The following SLC11A2 variants were observed in gnomAD, a reference collection of about 807,000 sequenced individuals.
SLC11A2 encodes the protein solute carrier family 11 member 2, also known as natural resistance-associated macrophage protein 2.
In SLC11A2, 38 loss-of-function variants were observed where a neutral mutation model predicts 68.0. The observed-to-expected ratio is 0.56, with a 90% CI of 0.43 to 0.73. SLC11A2 has a LOEUF of 0.73. Ranked by LOEUF, SLC11A2 falls within the 30% of genes least tolerant of loss-of-function variation. The probability of loss-of-function intolerance (pLI) is 0.00; values close to 1 mark genes in which losing one functional copy is unlikely to be tolerated. For synonymous variants in SLC11A2, 242 were observed against 250.6 expected (o/e 0.97, Z 0.32); for missense variants, 517 against 690.5 (o/e 0.75, Z 2.82).
chr12:50,963,369 C>CAAAAAAAAAAAAAAAAAAAAAA, the SLC11A2 span, among the ~76,000 whole-genome samples: 1 of 72,398 alleles, frequency 1.4e-5, no homozygotes, highest in Non-Finnish European at 2.7e-5. Flanking sequence ...GACTCCATCT[C>CAAAAAAAAAAAAAAAAAAAAAA]AAAAAAAAAA....
rs778759797 is a variant in SLC11A2 at position 50,996,947 on chromosome 12, C to T, written c.701G>A (p.Ser234Asn). ...TACGAACATGCCCTTGAGTACCTGGCTCTGGCTGGGTTTCACTGTAACATA... is the reference window on the plus strand; with the variant it reads ...TACGAACATGCCCTTGAGTACCTGGTTCTGGCTGGGTTTCACTGTAACATA... ...YEYVTVKPSQ[S>N]QVLKGMFVPS... is the part of the protein sequence containing the mutation. Residue 234 changes from serine to asparagine, a missense_variant, in exon 9 of 16, where the codon AGC becomes AAC. Ser to Asn is a conservative substitution (Grantham distance 46). Transcript: ENST00000262052. 12 of 1,614,106 alleles carry T rather than the reference C, an allele frequency of 7.4e-6. No homozygotes were observed. In the East Asian group the frequency reaches 2.7e-4, roughly 36 times the overall value.
chr12:51,010,737 C>A lies in SLC11A2; in HGVS notation c.-9G>T, dbSNP rs1943151103. The A allele has an allele frequency of 6.2e-7, 1 of 1,605,894 alleles. No individual in the cohort carries two copies. Among genetic ancestry groups the A allele is most frequent in the Non-Finnish European group, 8.5e-7 (1 of 1,173,442 alleles). Reference sequence around the variant, plus strand: ...TCAGGACCCAGCACCATGGTGGATACCTGAGTGGCTGAGTTCTTAGAATAT... The same window carrying A: ...TCAGGACCCAGCACCATGGTGGATAACTGAGTGGCTGAGTTCTTAGAATAT... On this transcript the variant is annotated 5_prime_UTR_variant, in exon 2 of 16. Transcript: ENST00000262052.
chr12:50,978,445 G>A (rs535510492), downstream of SLC11A2, among the ~76,000 whole-genome samples: 6 of 136,796 alleles, frequency 4.4e-5, no homozygotes, highest in Admixed American at 3.4e-4. Flanking sequence ...TGAACAATGA[G>A]AACACTTGGA....
chr12:50,970,088 G>T, the SLC11A2 span, among the ~76,000 whole-genome samples: 2 of 151,836 alleles, frequency 1.3e-5, no homozygotes, highest in African/African-American at 4.8e-5. Flanking sequence ...TGTTTTCCTC[G>T]GGATACTGAG....
At chr12:51,028,411 C>A, upstream of SLC11A2, 1 of 506,918 alleles carries the variant, frequency 2.0e-6, no homozygotes, top group Non-Finnish European at 3.5e-6. Flanking sequence ...TCATCTTTGA[C>A]CTGTCGTGAA....
intron 5 of SLC11A2, among the ~76,000 whole-genome samples, chr12:51,001,850 C>T (rs1403226428): frequency 6.6e-6 from 1 of 151,970 alleles, no homozygotes; most frequent in African/African-American, 2.4e-5. Context: ...AAACCACCAC[C>T]ACAACAACAG....
downstream of SLC11A2, chr12:50,980,097 G>A (rs1351524932): frequency 2.7e-6 from 1 of 372,736 alleles, no homozygotes; most frequent in African/African-American, 2.1e-5. Flanking sequence ...GTGGTGGTGT[G>A]TGCCTGCAGT....
chr12:51,000,558 C>T, intron 5 of SLC11A2, 139 bp from the exon 6 acceptor site: 3 of 706,796 alleles, frequency 4.2e-6, no homozygotes, highest in South Asian at 1.6e-5. Flanking sequence ...AATACCAGAA[C>T]GTGCCTCCAC....
intron 11 of SLC11A2, among the ~76,000 whole-genome samples, 163 bp downstream of exon 11, chr12:50,994,381 C>T (rs1239411098): frequency 6.6e-6 from 1 of 152,106 alleles, no homozygotes; most frequent in Non-Finnish European, 1.5e-5. Flanking sequence ...TCCTCTATTC[C>T]TTCCCATTTA....
chr12:51,004,262 C>T (rs898002220), intron 5 of SLC11A2, among the ~76,000 whole-genome samples: 1 of 152,078 alleles, frequency 6.6e-6, no homozygotes, highest in Non-Finnish European at 1.5e-5. Flanking sequence ...GTAAGAAAGG[C>T]CCAAAATGTC....
chr12:50,994,727 A>T, intron 10 of SLC11A2, 97 bp from the exon 11 acceptor site: 1 of 774,676 alleles, frequency 1.3e-6, no homozygotes, highest in Non-Finnish European at 2.4e-6. Context: ...TATAAGAGGT[A>T]GGCTGGAGGG....
downstream of SLC11A2, among the ~76,000 whole-genome samples, chr12:50,984,853 T>C (rs1592296074): frequency 6.6e-6 from 1 of 152,194 alleles, no homozygotes; most frequent in Admixed American, 6.5e-5. Flanking sequence ...TGTGTTATGT[T>C]CCTTGTGCTG....
chr12:50,982,711 A>G (rs76604840), downstream of SLC11A2, among the ~76,000 whole-genome samples: 23,444 of 152,178 alleles, frequency 0.15, 2,247 homozygotes, highest in East Asian at 0.46. Context: ...TGGGAGGCCG[A>G]GGCGCATGGA....
chr12:50,960,914 A>G, the SLC11A2 span: 1 of 1,353,260 alleles, frequency 7.4e-7, no homozygotes, highest in Non-Finnish European at 9.9e-7. Flanking sequence ...TCCTGGTCTC[A>G]CACGATGCTC....
chr12:50,995,527 C>T, intron 10 of SLC11A2, 102 bp downstream of exon 10: 2 of 1,199,784 alleles, frequency 1.7e-6, no homozygotes, highest in South Asian at 1.2e-5. Context: ...GATTATTTCT[C>T]CTGAACATTA....
intron 1 of SLC11A2, 23 bp downstream of exon 1, chr12:51,026,287 C>T: frequency 2.4e-6 from 3 of 1,240,944 alleles, no homozygotes; most frequent in South Asian, 1.3e-5. Context: ...ATGCCGTGAC[C>T]CCTGACCTTG....
intron 3 of SLC11A2, chr12:51,005,763 G>A (rs1942668267): frequency 3.5e-6 from 4 of 1,144,460 alleles, no homozygotes; most frequent in Non-Finnish European, 3.5e-6. Context: ...AAGGAAACAA[G>A]CCAGGTGTGG....
intron 1 of SLC11A2, among the ~76,000 whole-genome samples, chr12:51,013,732 T>C (rs1183801219): frequency 6.6e-6 from 1 of 151,890 alleles, no homozygotes; most frequent in Non-Finnish European, 1.5e-5. Context: ...CAGCGAGGCC[T>C]TGTCTAAAAA....
At chr12:51,012,156 G>C (rs73300028) in intron 1 of SLC11A2, among the ~76,000 whole-genome samples, 1 of 152,168 alleles carries the variant, frequency 6.6e-6, no homozygotes, top group Non-Finnish European at 1.5e-5. Flanking sequence ...TAAGCATAGC[G>C]TGTGGGATGC....
Sources: allele counts gnomAD v4.1 joint callset (sites outside exome capture counted in the v4.1 genomes callset), GRCh38; gene constraint gnomAD v4.1.1; transcripts MANE v1.5; gene names NCBI Gene and HGNC (gene_info 2026-07-23, HGNC 2026-07-21).